LTBP2: variants seen among roughly 807,000 people sequenced by gnomAD.
The protein encoded by LTBP2 is latent transforming growth factor beta binding protein 2.
A neutral mutation model predicts 210.6 loss-of-function variants in LTBP2; 103 were observed. The observed-to-expected ratio is 0.49, with a 90% CI of 0.42 to 0.58. LTBP2 has a LOEUF of 0.58. Among genes scored for constraint, LTBP2 ranks in the 20% least tolerant of loss-of-function variants. The pLI is 0.00. For synonymous variants in LTBP2, 1,007 were observed against 1,015.0 expected, an observed-to-expected ratio of 0.99 and a Z score of 0.15; for missense variants, 2,313 against 2,494.5, an observed-to-expected ratio of 0.93 and a Z score of 1.55.
rs746512785 is a variant in LTBP2, at chr14:74,506,862, T to TGCGCGC, written c.3908-40_3908-39insGCGCGC. The TGCGCGC allele has an allele frequency of 2.3e-4, 352 of 1,547,012 alleles. 4 individuals are homozygous for TGCGCGC. The African/African-American group carries it at 5.7e-3, about 25-fold the overall frequency. ...GGAACCAGGATAGAGGATGTGTGTG[T>TGCGCGC]GTGTGTGTGTGTGTGTGCGCGCGCG... On this transcript the variant is annotated intron_variant, in intron 26 of 35. Coordinates refer to ENST00000261978, the MANE Select transcript of LTBP2 (RefSeq NM_000428.3).
intron 13 of LTBP2, among the ~76,000 whole-genome samples, chr14:74,527,016 C>A (rs1457137776): frequency 2.6e-5 from 4 of 152,200 alleles, no homozygotes; most frequent in Non-Finnish European, 4.4e-5. Context: ...CTCCACACCT[C>A]GTCTGCAGTG....
At chr14:74,527,319 C>T (rs377600041) in intron 13 of LTBP2, 28 bp downstream of exon 13, 39 of 1,609,046 alleles carry the variant, frequency 2.4e-5, no homozygotes, top group African/African-American at 5.3e-5. Context: ...CATGCTTGCC[C>T]GGCCCCCTAG....
intron 1 of LTBP2, among the ~76,000 whole-genome samples, chr14:74,604,633 T>C (rs2088499320): frequency 6.6e-6 from 1 of 151,412 alleles, no homozygotes. Context: ...GCAACCTCAG[T>C]CCTGCCACCA....
intron 3 of LTBP2, among the ~76,000 whole-genome samples, chr14:74,580,957 A>C (rs994891711): frequency 2.6e-5 from 4 of 152,180 alleles, no homozygotes; most frequent in African/African-American, 4.8e-5. Context: ...TGTCTCAAAA[A>C]AAAATAATAA....
intron 2 of LTBP2, among the ~76,000 whole-genome samples, chr14:74,600,405 G>A (rs929913794): frequency 2.0e-5 from 3 of 152,154 alleles, no homozygotes; most frequent in Non-Finnish European, 4.4e-5. Context: ...AGGTATGGCA[G>A]CATCCTACCT....
At chr14:74,539,593 C>A (rs2139731222) in intron 8 of LTBP2, among the ~76,000 whole-genome samples, 1 of 152,238 alleles carries the variant, frequency 6.6e-6, no homozygotes, top group South Asian at 2.1e-4. Flanking sequence ...GTGGTCCCAG[C>A]TACTCTGGGG....
chr14:74,608,498 C>G (rs1280442465), intron 1 of LTBP2, among the ~76,000 whole-genome samples: 3 of 151,466 alleles, frequency 2.0e-5, no homozygotes, highest in Non-Finnish European at 4.4e-5. Flanking sequence ...TGCTTAAGCT[C>G]AGGAGTTTGA....
chr14:74,539,042 T>C (rs2087459026), intron 8 of LTBP2, among the ~76,000 whole-genome samples: 1 of 152,040 alleles, frequency 6.6e-6, no homozygotes, highest in African/African-American at 2.4e-5. Context: ...GAGCAGAAGG[T>C]GGGAAAGAAT....
rs531256939 is a variant in LTBP2 at position 74,516,817 on chromosome 14, C to T, written c.2908+5G>A. 1 of 1,551,704 alleles carries T rather than the reference C, an allele frequency of 6.4e-7. No homozygotes were observed. Among genetic ancestry groups the T allele is most frequent in the South Asian group, 1.2e-5 (1 of 84,064 alleles). ...CAGGGCGCTTCCCTCCTTCCCGTTC[C>T]TTACCTTGGCAGTGTCCTTTCCTGA... On this transcript the variant is annotated splice_donor_5th_base_variant and intron_variant, in intron 18 of 35. Coordinates refer to ENST00000261978, the MANE Select transcript of LTBP2 (RefSeq NM_000428.3).
intron 2 of LTBP2, among the ~76,000 whole-genome samples, chr14:74,597,113 G>T (rs867447293): frequency 6.6e-6 from 1 of 152,234 alleles, no homozygotes; most frequent in African/African-American, 2.4e-5. Context: ...GTAGTGAGCA[G>T]AGGAGAAGCA....
chr14:74,542,799 G>T (rs974044049), intron 8 of LTBP2, among the ~76,000 whole-genome samples: 5 of 143,374 alleles, frequency 3.5e-5, no homozygotes, highest in Non-Finnish European at 6.0e-5. Flanking sequence ...ATGGAGTCTA[G>T]CTCTGTCACC....
chr14:74,516,290 C>G (rs1372422654), intron 18 of LTBP2, among the ~76,000 whole-genome samples: 1 of 152,180 alleles, frequency 6.6e-6, no homozygotes, highest in Non-Finnish European at 1.5e-5. Context: ...GTGAGGAGAC[C>G]AGTTAGCAAT....
At chr14:74,510,454 A>T (rs1351952294) in intron 19 of LTBP2, among the ~76,000 whole-genome samples, 1 of 152,190 alleles carries the variant, frequency 6.6e-6, no homozygotes, top group Non-Finnish European at 1.5e-5. Context: ...GTATCCACGC[A>T]GGGGGCCAGG....
rs1212741222 is a variant in LTBP2 at position 74,528,491 on chromosome 14, G to A, written c.2360C>T (p.Pro787Leu). 6.2e-7 allele frequency: 1 copy of A among 1,611,936 alleles called. No homozygotes were observed. Among genetic ancestry groups the A allele is most frequent in the Non-Finnish European group, 8.5e-7 (1 of 1,180,018 alleles). Residue 787 changes from proline to leucine, a missense_variant, in exon 12 of 36, where the codon CCT becomes CTT. Pro to Leu is a moderately conservative substitution (Grantham distance 98). Transcript: ENST00000261978. The stretch of plus-strand genomic sequence containing the variant: ...TCCCCCAGCTCAGATACCCTTGTCA[G>A]GGATGGTCCCGGCCTCAAGCCAGGT... Reference protein sequence around the residue: ...TDTWLEAGTIPDKGDSQAGQV... With the variant: ...TDTWLEAGTILDKGDSQAGQV...
intron 2 of LTBP2, among the ~76,000 whole-genome samples, chr14:74,597,170 G>T (rs1156283576): frequency 6.6e-6 from 1 of 152,202 alleles, no homozygotes; most frequent in Non-Finnish European, 1.5e-5. Flanking sequence ...CACCATGAGG[G>T]TTTGAAGGAA....
chr14:74,548,076 C>T (rs1566632762), intron 8 of LTBP2, among the ~76,000 whole-genome samples: 1 of 151,824 alleles, frequency 6.6e-6, no homozygotes, highest in East Asian at 1.9e-4. Context: ...TGGAAGTCAC[C>T]TCCTCTGAGA....
Position 74,611,467 on chromosome 14 carries a change from G to A in LTBP2, c.478C>T (p.Arg160Ter). 6.7e-7 allele frequency: 1 copy of A among 1,492,040 alleles called. No homozygotes were observed. The allele number at this position is 1,492,040 out of a possible 1,614,324, so 92.4% of individuals were successfully genotyped here. Reference protein sequence around the residue: ...RSGAAPPTPPRGRLTGRNVCG... With the variant: ...RSGAAPPTPP ...CATGCTCACCCCGTGAGCCGCCCTC[G>A]CGGCGGGGTTGGGGGCGCAGCCCCA... The change falls in exon 1 of 36, where the codon CGA becomes TGA. Residue 160 changes from arginine (R) to a stop codon, truncating the protein, a stop_gained. Transcript: ENST00000261978. LOFTEE classifies it high-confidence loss of function.
rs745522540 is a variant in LTBP2 at position 74,501,552 on chromosome 14, ACTC to A, written c.5206_5208del (p.Glu1736del). On this transcript the variant is annotated inframe_deletion, in exon 35 of 36. Coordinates refer to ENST00000261978, the MANE Select transcript of LTBP2 (RefSeq NM_000428.3). Reference sequence around the variant, plus strand: ...TTCTCACAGCCGTTCAGGATGCCGCACTCCTCCGCCTGAAGCCCTTCGAAGCCG... The same window carrying A: ...TTCTCACAGCCGTTCAGGATGCCGCACTCCGCCTGAAGCCCTTCGAAGCCG... 3 of 1,613,758 alleles carry A rather than the reference ACTC, an allele frequency of 1.9e-6. No individual in the cohort carries two copies. Among genetic ancestry groups the A allele is most frequent in the East Asian group, 4.5e-5 (2 of 44,866 alleles).
chr14:74,595,511 TG>T (rs1182671116), intron 2 of LTBP2, among the ~76,000 whole-genome samples: 1 of 152,194 alleles, frequency 6.6e-6, no homozygotes, highest in African/African-American at 2.4e-5. Context: ...GAGGGGTCCC[TG>T]GGGATGAGTC....
Sources: gnomAD v4.1 joint callset for allele counts (sites outside exome capture counted in the v4.1 genomes callset) on GRCh38, gnomAD v4.1.1 for gene constraint, MANE v1.5 for transcripts, NCBI Gene and HGNC (gene_info 2026-07-23, HGNC 2026-07-21) for gene names.